Variants in DMRT1 observed in about 807,000 individuals in gnomAD.
The protein encoded by DMRT1 is doublesex and mab-3 related transcription factor 1, also known as doublesex- and mab-3-related transcription factor 1.
Under a neutral mutation model 32.3 loss-of-function variants are expected in DMRT1, and 7 were observed. The ratio of observed to expected loss-of-function variants is 0.22; its 90% CI spans 0.12 to 0.41. The LOEUF (loss-of-function observed/expected upper bound fraction) is 0.41, where lower values mean the gene tolerates loss of function less well. Ranked by LOEUF, DMRT1 falls within the 10% of genes least tolerant of loss-of-function variation. The probability of loss-of-function intolerance (pLI) is 1.00; values close to 1 mark genes in which losing one functional copy is unlikely to be tolerated. For synonymous variants in DMRT1, 278 were observed against 206.1 expected (o/e 1.35, Z -2.99); for missense variants, 625 against 500.5 (o/e 1.25, Z -2.37).
intron 2 of DMRT1, among the ~76,000 whole-genome samples, chr9:850,117 C>T (rs1033509667): frequency 6.6e-6 from 1 of 152,220 alleles, no homozygotes; most frequent in Non-Finnish European, 1.5e-5. Flanking sequence ...CCACGCCCAG[C>T]TGACAATAGG....
At chr9:954,619 TTTG>T (rs143310017) in intron 4 of DMRT1, among the ~76,000 whole-genome samples, 6,170 of 152,022 alleles carry the variant, frequency 0.041, 369 homozygotes, top group East Asian at 0.2. Flanking sequence ...TGTTTGTTTT[TTTG>T]TTGTTGTTGT....
chr9:946,059 T>C (rs1271708313), intron 4 of DMRT1, among the ~76,000 whole-genome samples: 2 of 152,172 alleles, frequency 1.3e-5, no homozygotes, highest in African/African-American at 2.4e-5. Flanking sequence ...GCACCTACTA[T>C]TCCACAGTTT....
Position 954,614 on chromosome 9 carries a change from G to GT in DMRT1, c.968-13364dup, listed in dbSNP as rs370266011. Among the ~76,000 whole-genome samples the GT allele has an allele frequency of 5.9e-3, 838 of 142,778 alleles. 12 individuals carry two copies. The highest frequency in any genetic ancestry group is 0.023 in the African/African-American group (764 of 33,750). 93.7% of individuals were successfully genotyped at this position (142,778 alleles called of 152,430 possible). ...TTGGTAGGTTCAGTTTTTTTTGTTT[G>GT]TTTTTTTGTTGTTGTTGTTTGGGCT... On this transcript the variant is annotated intron_variant, in intron 4 of 4. Transcript: ENST00000382276.
intron 3 of DMRT1, among the ~76,000 whole-genome samples, chr9:898,280 C>A (rs541743525): frequency 2.1e-4 from 32 of 152,136 alleles, no homozygotes; most frequent in African/African-American, 7.2e-4. Flanking sequence ...CCACCACGCC[C>A]GGCTAATTTT....
rs1355260316 is a variant in DMRT1, at chr9:861,827, G to T, written c.538+14684G>T. 2.7e-5 allele frequency among the ~76,000 whole-genome samples: 4 copies of T among 148,094 alleles called. 1 individual carries two copies. The highest frequency in any genetic ancestry group is 9.9e-5 in the African/African-American group (4 of 40,484). ...GGGCGGGGGGGGGCTCCTTCAGACG[G>T]GGCGGCCGGTCAGAGACGCTCCTCA... On this transcript the variant is annotated intron_variant, in intron 2 of 4. Coordinates refer to ENST00000382276, the MANE Select transcript of DMRT1 (RefSeq NM_021951.3).
Position 957,479 on chromosome 9 carries a change from C to T in DMRT1, c.968-10506C>T, listed in dbSNP as rs1025082433. ...TCTGTGCTGTTATTTTCTTATTTCTCTTCAGCCCTAATGTGAACCATTCCT... is the reference window on the plus strand; with the variant it reads ...TCTGTGCTGTTATTTTCTTATTTCTTTTCAGCCCTAATGTGAACCATTCCT... On this transcript the variant is annotated intron_variant, in intron 4 of 4. Coordinates refer to ENST00000382276, the MANE Select transcript of DMRT1 (RefSeq NM_021951.3). Among the ~76,000 whole-genome samples the T allele has an allele frequency of 2.0e-5, 3 of 152,210 alleles. 1 individual carries two copies. Among genetic ancestry groups the T allele is most frequent in the Admixed American group, 1.3e-4 (2 of 15,288 alleles).
At chr9:917,867 C>T (rs1311913769) in intron 4 of DMRT1, among the ~76,000 whole-genome samples, 6 of 152,156 alleles carry the variant, frequency 3.9e-5, no homozygotes, top group Non-Finnish European at 8.8e-5. Flanking sequence ...ATATAGGTCA[C>T]GGGAGCCTAT....
chr9:851,911 A>G (rs1815154391), intron 2 of DMRT1, among the ~76,000 whole-genome samples: 1 of 151,230 alleles, frequency 6.6e-6, no homozygotes, highest in Non-Finnish European at 1.5e-5. Context: ...TGCTTGTACC[A>G]GCAGGATCAG....
At chr9:858,853 CAAAAAAAAAAA>C (rs1205538076) in intron 2 of DMRT1, among the ~76,000 whole-genome samples, 2 of 137,670 alleles carry the variant, frequency 1.5e-5, no homozygotes, top group Admixed American at 7.5e-5. Flanking sequence ...CAGTCTGTCT[CAAAAAAAAAAA>C]AAAAAAATAT....
intron 4 of DMRT1, among the ~76,000 whole-genome samples, chr9:967,704 C>G (rs1243424386): frequency 1.3e-5 from 2 of 152,036 alleles, no homozygotes; most frequent in African/African-American, 2.4e-5. Context: ...AGGATGCAGC[C>G]GACTTGTTTT....
rs1554749518 is a variant in DMRT1, at chr9:878,209, C to CCCCG, written c.539-15702_539-15701insCCGC. Among the ~76,000 whole-genome samples the CCCCG allele has an allele frequency of 1.6e-4, 20 of 127,186 alleles. No homozygotes were observed. In the South Asian group the frequency reaches 6.0e-3, roughly 38 times the overall value. 83.4% of individuals were successfully genotyped at this position (127,186 alleles called of 152,430 possible). A position where few individuals can be genotyped will look rare whatever the true frequency, so the allele number is the denominator to read the frequency against. On this transcript the variant is annotated intron_variant, in intron 2 of 4. Transcript: ENST00000382276. ...TGGAACTGCAGCTGCTGCCCCCCCC[C>CCCCG]CACCCAATAAAAATGTCTGCCTGTC...
Position 852,876 on chromosome 9 carries a change from C to G in DMRT1, c.538+5733C>G, listed in dbSNP as rs766408711. The stretch of plus-strand genomic sequence containing the variant: ...TTGAAGGGGCCTTTCCTTCACTTTT[C>G]TTCAGCAGTTACTCCACTTGGAGAG... On this transcript the variant is annotated intron_variant, in intron 2 of 4. Coordinates refer to ENST00000382276, the MANE Select transcript of DMRT1 (RefSeq NM_021951.3). 9.9e-5 allele frequency among the ~76,000 whole-genome samples: 15 copies of G among 152,200 alleles called. 1 individual carries two copies. The highest frequency in any genetic ancestry group is 7.9e-4 in the Admixed American group (12 of 15,276).
intron 4 of DMRT1, among the ~76,000 whole-genome samples, chr9:962,157 C>T (rs968952249): frequency 1.3e-5 from 2 of 152,174 alleles, no homozygotes; most frequent in Non-Finnish European, 2.9e-5. Flanking sequence ...GCGTGTATCA[C>T]CAAATGCGAC....
chr9:861,948 G>T (rs1295767381), intron 2 of DMRT1, among the ~76,000 whole-genome samples: 1 of 150,434 alleles, frequency 6.6e-6, no homozygotes, highest in Non-Finnish European at 1.5e-5. Context: ...ATGATGGGCG[G>T]GCGGGCAGAG....
At chr9:890,609 T>C (rs1392085383) in intron 2 of DMRT1, among the ~76,000 whole-genome samples, 5 of 152,210 alleles carry the variant, frequency 3.3e-5, no homozygotes, top group Non-Finnish European at 7.3e-5. Flanking sequence ...ACTCAGCCAG[T>C]GGATGGTTTC....
chr9:871,082 C>G (rs1816227472), intron 2 of DMRT1, among the ~76,000 whole-genome samples: 1 of 152,146 alleles, frequency 6.6e-6, no homozygotes, highest in Non-Finnish European at 1.5e-5. Context: ...GTTGCCCAGG[C>G]TGGAGTGCAA....
At chr9:890,921 G>T (rs1293903003) in intron 2 of DMRT1, among the ~76,000 whole-genome samples, 1 of 151,722 alleles carries the variant, frequency 6.6e-6, no homozygotes, top group African/African-American at 2.4e-5. Flanking sequence ...GTGGAGACGG[G>T]GTTTCACCAT....
At chr9:934,490 C>G (rs1366137716) in intron 4 of DMRT1, among the ~76,000 whole-genome samples, 1 of 152,126 alleles carries the variant, frequency 6.6e-6, no homozygotes, top group Admixed American at 6.5e-5. Context: ...GTAATCACAC[C>G]AGCGCTCTCC....
At chr9:860,860 G>A (rs1432081859) in intron 2 of DMRT1, among the ~76,000 whole-genome samples, 1 of 152,176 alleles carries the variant, frequency 6.6e-6, no homozygotes, top group Admixed American at 6.5e-5. Flanking sequence ...GTGAGACTGT[G>A]CTGAGGCAGG....
Sources: allele counts gnomAD v4.1 joint callset (sites outside exome capture counted in the v4.1 genomes callset), GRCh38; gene constraint gnomAD v4.1.1; transcripts MANE v1.5; gene names NCBI Gene and HGNC (gene_info 2026-07-23, HGNC 2026-07-21).